Variants in ATP2B4 observed in about 807,000 individuals in gnomAD.
ATP2B4 encodes the protein plasma membrane calcium-transporting ATPase 4.
In ATP2B4, 39 loss-of-function variants were observed where a neutral mutation model predicts 110.3. The observed-to-expected ratio is 0.35, with a 90% CI of 0.27 to 0.46. ATP2B4 has a LOEUF of 0.46. Among genes scored for constraint, ATP2B4 ranks in the 20% least tolerant of loss-of-function variants. The pLI is 1.00. For synonymous variants in ATP2B4, 538 were observed against 571.7 expected (o/e 0.94, Z 0.84); for missense variants, 1,135 against 1,530.9 (o/e 0.74, Z 4.32).
chr1:203,713,927 C>G lies in ATP2B4; in HGVS notation c.2300-244C>G, dbSNP rs1159727630. On this transcript the variant is annotated intron_variant, in intron 14 of 20. Coordinates refer to ENST00000357681, the MANE Select transcript of ATP2B4 (RefSeq NM_001684.5). Reference sequence around the variant, plus strand: ...GGTACGTGGAAATGGTGCAGTTTGACCCCTAGGTCTCTGCCTTGAAATCCA... The same window carrying G: ...GGTACGTGGAAATGGTGCAGTTTGAGCCCTAGGTCTCTGCCTTGAAATCCA... Among the ~76,000 whole-genome samples the G allele has an allele frequency of 2.6e-5, 4 of 152,132 alleles. No homozygotes were observed. In the South Asian group the frequency reaches 6.2e-4, roughly 24 times the overall value.
intron 7 of ATP2B4, 26 bp downstream of exon 7, chr1:203,702,105 C>A (rs760532509): frequency 6.2e-7 from 1 of 1,613,302 alleles, no homozygotes; most frequent in Non-Finnish European, 8.5e-7. Context: ...ACTCATTTAC[C>A]ATCTCTACCT....
intron 1 of ATP2B4, among the ~76,000 whole-genome samples, chr1:203,666,535 C>G (rs552417484): frequency 6.6e-6 from 1 of 152,130 alleles, no homozygotes; most frequent in African/African-American, 2.4e-5. Flanking sequence ...GGCCCCCGTT[C>G]TTCGTGCCTC....
intron 2 of ATP2B4, 30 bp downstream of exon 2, chr1:203,683,428 G>A (rs1665077121): frequency 6.4e-7 from 1 of 1,552,852 alleles, no homozygotes; most frequent in Non-Finnish European, 8.7e-7. Context: ...TGGGGAGTTG[G>A]AGGAAGGTGG....
intron 1 of ATP2B4, among the ~76,000 whole-genome samples, chr1:203,674,845 A>G (rs1664783259): frequency 6.6e-6 from 1 of 151,522 alleles, no homozygotes; most frequent in African/African-American, 2.4e-5. Context: ...TTTAGTAGAG[A>G]CGGGGTTTCA....
chr1:203,658,590 A>T (rs903162705), intron 1 of ATP2B4, among the ~76,000 whole-genome samples: 1 of 152,172 alleles, frequency 6.6e-6, no homozygotes, highest in Admixed American at 6.5e-5. Flanking sequence ...ATAAAATGGT[A>T]AACATGGAGT....
intron 17 of ATP2B4, 53 bp downstream of exon 17, chr1:203,721,463 CAGAG>C: frequency 6.4e-7 from 1 of 1,562,306 alleles, no homozygotes; most frequent in Non-Finnish European, 8.8e-7. Flanking sequence ...GAGGTGGGGG[CAGAG>C]AAAGAAGGTA....
At chr1:203,698,952 C>T (rs1210956125) in intron 3 of ATP2B4, among the ~76,000 whole-genome samples, 2 of 152,052 alleles carry the variant, frequency 1.3e-5, no homozygotes, top group South Asian at 2.1e-4. Flanking sequence ...ATAATTTTTA[C>T]AACATAGAGA....
intron 1 of ATP2B4, among the ~76,000 whole-genome samples, chr1:203,639,272 C>T (rs896894850): frequency 2.0e-5 from 3 of 152,222 alleles, no homozygotes; most frequent in Non-Finnish European, 2.9e-5. Flanking sequence ...GCCAATCTGT[C>T]ATTCATTTGC....
chr1:203,698,008 T>G, intron 2 of ATP2B4, 149 bp from the exon 3 acceptor site: 1 of 690,058 alleles, frequency 1.4e-6, no homozygotes. Flanking sequence ...CCTGGCCTCT[T>G]TATTTTATTT....
rs184326966 is a variant in ATP2B4 at position 203,728,953 on chromosome 1, G to A, written c.3309+1382G>A. On this transcript the variant is annotated intron_variant, in intron 20 of 20. Coordinates refer to ENST00000357681, the MANE Select transcript of ATP2B4 (RefSeq NM_001684.5). ...GATCCCCTGCCTTAGGTGAAACCCCGTCTCTACTAAAAATACAAGCCAGGC... is the reference window on the plus strand; with the variant it reads ...GATCCCCTGCCTTAGGTGAAACCCCATCTCTACTAAAAATACAAGCCAGGC... 1.7e-3 allele frequency among the ~76,000 whole-genome samples: 258 copies of A among 149,198 alleles called. 1 individual carries two copies. Among genetic ancestry groups the A allele is most frequent in the Non-Finnish European group, 3.0e-3 (205 of 67,360 alleles).
chr1:203,684,620 AGT>A (rs1354963522), intron 2 of ATP2B4, among the ~76,000 whole-genome samples: 1 of 151,924 alleles, frequency 6.6e-6, no homozygotes, highest in Non-Finnish European at 1.5e-5. Flanking sequence ...GGCCTCCCAA[AGT>A]GTTGGGATGA....
chr1:203,629,427 A>G lies in ATP2B4; in HGVS notation c.-465+2208A>G, dbSNP rs559782895. On this transcript the variant is annotated intron_variant, in intron 1 of 20. Coordinates refer to ENST00000357681, the MANE Select transcript of ATP2B4 (RefSeq NM_001684.5). This position sits in a 1 kb window ranked among gnomAD's most constrained non-coding sequence, Gnocchi z 4.6. ...TCCTGCAGCCGGCCTTCCTATTTTC[A>G]GTAATCTGATTAGGGGTCGATGTTG... Among the ~76,000 whole-genome samples the G allele has an allele frequency of 3.9e-5, 6 of 152,252 alleles. No individual in the cohort carries two copies. In the East Asian group the frequency reaches 9.7e-4, roughly 25 times the overall value.
At position 203,706,940 on chromosome 1, in the gene ATP2B4, A is replaced by G. The variant is rs1438768455; in HGVS notation, c.1100-69A>G. 23 of 1,360,920 alleles carry G rather than the reference A, an allele frequency of 1.7e-5. No individual in the cohort carries two copies. The East Asian group carries it at 3.3e-4, about 20-fold the overall frequency. The allele number at this position is 1,360,920 out of a possible 1,614,324, so 84.3% of individuals were successfully genotyped here. ...GCAACAAAGGCTACAACTGATGCCA[A>G]TCTATCTCTGGCTAGGGCCCTAGGA... On this transcript the variant is annotated intron_variant, in intron 8 of 20. Coordinates refer to ENST00000357681, the MANE Select transcript of ATP2B4 (RefSeq NM_001684.5).
chr1:203,645,751 C>T (rs1401455003), intron 1 of ATP2B4, among the ~76,000 whole-genome samples: 7 of 152,046 alleles, frequency 4.6e-5, no homozygotes, highest in Admixed American at 1.3e-4. Context: ...CCACTGTGCC[C>T]GGCTAATTTT....
At chr1:203,717,894 T>C (rs1021047372) in intron 15 of ATP2B4, among the ~76,000 whole-genome samples, 1 of 151,952 alleles carries the variant, frequency 6.6e-6, no homozygotes, top group East Asian at 1.9e-4. Context: ...TCCACCTACC[T>C]CAACCTCCCA....
chr1:203,666,722 T>C lies in ATP2B4; in HGVS notation c.-464-16020T>C, dbSNP rs115922939. ...AGACTGTCCATTTTCTTTGCCCTGT[T>C]ATGGAAACTTCTCTTCCTTTTGCCA... On this transcript the variant is annotated intron_variant, in intron 1 of 20. Coordinates refer to ENST00000357681, the MANE Select transcript of ATP2B4 (RefSeq NM_001684.5). Among the ~76,000 whole-genome samples the C allele has an allele frequency of 7.3e-3, 1,109 of 152,286 alleles. 18 individuals carry two copies. The highest frequency in any genetic ancestry group is 0.025 in the African/African-American group (1,035 of 41,532).
intron 2 of ATP2B4, among the ~76,000 whole-genome samples, chr1:203,694,631 G>C (rs1167191306): frequency 6.6e-6 from 1 of 152,164 alleles, no homozygotes; most frequent in Non-Finnish European, 1.5e-5. Flanking sequence ...GGAGTCATAA[G>C]GGTCCTGGAA....
intron 20 of ATP2B4, among the ~76,000 whole-genome samples, chr1:203,732,814 CAAA>C (rs547622162): frequency 2.8e-5 from 3 of 107,642 alleles, no homozygotes. Flanking sequence ...GATTCCATCT[CAAA>C]AAAAAAAAAA....
At position 203,707,549 on chromosome 1, in the gene ATP2B4, GC is replaced by G. The variant is rs375197802; in HGVS notation, c.1315-311del. Among the ~76,000 whole-genome samples, 9 of 152,038 alleles carry G rather than the reference GC, an allele frequency of 5.9e-5. No homozygotes were observed. The East Asian group carries it at 1.4e-3, about 23-fold the overall frequency. On this transcript the variant is annotated intron_variant, in intron 9 of 20. Transcript: ENST00000357681. The stretch of plus-strand genomic sequence containing the variant: ...GGGTTCAAGTGATTCTCGTGCCTCA[GC>G]CTCCCAAGTAGCTGGGATTACAGGT...
Sources: allele counts gnomAD v4.1 joint callset (sites outside exome capture counted in the v4.1 genomes callset), GRCh38; gene constraint gnomAD v4.1.1; non-coding constraint Gnocchi (gnomAD v3.1); transcripts MANE v1.5; gene names NCBI Gene and HGNC (gene_info 2026-07-23, HGNC 2026-07-21).